COL28A1: variants seen among roughly 807,000 people sequenced by gnomAD.
COL28A1 encodes collagen type XXVIII alpha 1 chain.
Under a neutral mutation model 150.2 loss-of-function variants are expected in COL28A1, and 161 were observed. The observed-to-expected ratio is 1.07, with a 90% CI of 0.94 to 1.22. The LOEUF is 1.22. Ranked by LOEUF, COL28A1 falls within the 50% of genes most tolerant of loss-of-function variation. COL28A1 has a pLI of 0.00. For missense variants in COL28A1, 1,617 were observed against 1,388.3 expected, an observed-to-expected ratio of 1.16 and a Z score of -2.62; for synonymous variants, 552 against 469.7, an observed-to-expected ratio of 1.18 and a Z score of -2.26.
chr7:7,355,006 T>G (rs1325985844), downstream of COL28A1, among the ~76,000 whole-genome samples: 1 of 152,118 alleles, frequency 6.6e-6, no homozygotes, highest in Non-Finnish European at 1.5e-5. Flanking sequence ...ATGACTGAGA[T>G]GCTGACAGGC....
chr7:7,431,567 A>C (rs753190758), intron 25 of COL28A1: 13 of 471,038 alleles, frequency 2.8e-5, no homozygotes, highest in Non-Finnish European at 1.3e-5. Flanking sequence ...TTTTGGCTGA[A>C]TGTCGGCAGC....
In COL28A1 at chr7:7,358,106, A is replaced by T. The variant is rs534158590; in HGVS notation, c.*527T>A. 3 of 152,342 alleles carry T rather than the reference A, an allele frequency of 2.0e-5. No individual in the cohort carries two copies. The South Asian group carries it at 6.2e-4, about 32-fold the overall frequency. 9.4% of individuals were successfully genotyped at this position (152,342 alleles called of 1,614,324 possible). A position where few individuals can be genotyped will look rare whatever the true frequency, so the allele number is the denominator to read the frequency against. Reference sequence around the variant, plus strand: ...TCAGGGCAAGTGAGGCAAAAATCTAACTACCCTCACCATCCCGACTCCTAT... The same window carrying T: ...TCAGGGCAAGTGAGGCAAAAATCTATCTACCCTCACCATCCCGACTCCTAT... On this transcript the variant is annotated 3_prime_UTR_variant, in exon 35 of 35. Transcript: ENST00000399429.
chr7:7,540,238 T>C (rs150380666), upstream of COL28A1, among the ~76,000 whole-genome samples: 1 of 152,232 alleles, frequency 6.6e-6, no homozygotes. Context: ...AGCCTACAAA[T>C]AGAGAAAGAT....
Position 7,532,932 on chromosome 7 carries a change from T to C in COL28A1, c.-37-20A>G. On this transcript the variant is annotated intron_variant, in intron 1 of 34. Coordinates refer to ENST00000399429, the MANE Select transcript of COL28A1 (RefSeq NM_001037763.3). ...TAGCACCTTTAATAGAAAAGTCAGT[T>C]ACAAATACTTTAATAAAATATGGTG... 6.7e-7 allele frequency: 1 copy of C among 1,490,100 alleles called. No homozygotes were observed. Among genetic ancestry groups the C allele is most frequent in the Non-Finnish European group, 8.9e-7 (1 of 1,120,980 alleles). The allele number at this position is 1,490,100 out of a possible 1,614,324, so 92.3% of individuals were successfully genotyped here.
intron 25 of COL28A1, among the ~76,000 whole-genome samples, chr7:7,423,807 T>C (rs891521737): frequency 1.3e-5 from 2 of 152,188 alleles, no homozygotes; most frequent in African/African-American, 4.8e-5. Context: ...TCAGTGTTGC[T>C]ATTCATTCTC....
intron 34 of COL28A1, among the ~76,000 whole-genome samples, chr7:7,359,495 C>G (rs888001806): frequency 6.6e-6 from 1 of 152,112 alleles, no homozygotes; most frequent in Non-Finnish European, 1.5e-5. Context: ...AATTATGGAA[C>G]TCCTCATTTG....
intron 27 of COL28A1, among the ~76,000 whole-genome samples, chr7:7,390,531 C>T (rs1361666299): frequency 6.6e-6 from 1 of 152,154 alleles, no homozygotes; most frequent in East Asian, 1.9e-4. Context: ...AGGAGTCCCT[C>T]TTTTTCTATG....
At chr7:7,508,929 G>A (rs1160797186) in intron 9 of COL28A1, among the ~76,000 whole-genome samples, 1 of 152,116 alleles carries the variant, frequency 6.6e-6, no homozygotes, top group Non-Finnish European at 1.5e-5. Context: ...TGCCTCCCAG[G>A]TTCAAGCAAT....
intron 11 of COL28A1, among the ~76,000 whole-genome samples, 174 bp downstream of exon 11, chr7:7,505,840 C>T (rs1421158974): frequency 6.6e-6 from 1 of 152,192 alleles, no homozygotes; most frequent in African/African-American, 2.4e-5. Context: ...AGGTATGCTG[C>T]TAACTTCCTG....
intron 18 of COL28A1, among the ~76,000 whole-genome samples, chr7:7,444,840 T>C (rs1786127005): frequency 6.6e-6 from 1 of 152,196 alleles, no homozygotes; most frequent in Non-Finnish European, 1.5e-5. Context: ...AATTTGGCTC[T>C]GTGTCCCCAC....
chr7:7,383,072 A>C (rs1478225060), intron 27 of COL28A1, among the ~76,000 whole-genome samples: 1 of 152,140 alleles, frequency 6.6e-6, no homozygotes, highest in Admixed American at 6.5e-5. Flanking sequence ...ATATAGAATA[A>C]AGTAAACACC....
intron 26 of COL28A1, among the ~76,000 whole-genome samples, chr7:7,419,294 CA>C (rs1329501547): frequency 2.0e-5 from 3 of 152,112 alleles, no homozygotes; most frequent in Admixed American, 6.5e-5. Flanking sequence ...CTACTACAAC[CA>C]AAAAATGTCC....
upstream of COL28A1, among the ~76,000 whole-genome samples, chr7:7,537,391 G>A (rs2115282478): frequency 6.6e-6 from 1 of 152,332 alleles, no homozygotes; most frequent in South Asian, 2.1e-4. Context: ...CACACAGTGA[G>A]CCTGGCCCAG....
At chr7:7,392,187 T>G (rs1390000897) in intron 27 of COL28A1, among the ~76,000 whole-genome samples, 1 of 152,208 alleles carries the variant, frequency 6.6e-6, no homozygotes, top group Non-Finnish European at 1.5e-5. Flanking sequence ...TGACAAAATC[T>G]CTCAGCATTT....
intron 18 of COL28A1, among the ~76,000 whole-genome samples, chr7:7,447,993 G>C (rs1478252128): frequency 6.6e-6 from 1 of 152,148 alleles, no homozygotes; most frequent in Non-Finnish European, 1.5e-5. Flanking sequence ...CTTGAACCCA[G>C]GAGGCAAGGC....
rs545014288 is a variant in COL28A1 at position 7,515,789 on chromosome 7, A to C, written c.882+25T>G. The C allele has an allele frequency of 2.0e-5, 19 of 930,986 alleles. No homozygotes were observed. The South Asian group carries it at 2.2e-4, about 11-fold the overall frequency. 57.7% of individuals were successfully genotyped at this position (930,986 alleles called of 1,614,324 possible). A position where few individuals can be genotyped will look rare whatever the true frequency, so the allele number is the denominator to read the frequency against. Reference sequence around the variant, plus strand: ...TGTTTTTCTTTTTGAAATTCTGGTCAATCTATTTGTTGTTACCAACTTACC... The same window carrying C: ...TGTTTTTCTTTTTGAAATTCTGGTCCATCTATTTGTTGTTACCAACTTACC... On this transcript the variant is annotated intron_variant, in intron 8 of 34. Transcript: ENST00000399429.
intron 11 of COL28A1, among the ~76,000 whole-genome samples, chr7:7,493,473 T>C (rs940939105): frequency 6.6e-6 from 1 of 152,258 alleles, no homozygotes; most frequent in African/African-American, 2.4e-5. Flanking sequence ...GAGCAATATC[T>C]TAATATTGCT....
chr7:7,453,509 CT>C lies in COL28A1; in HGVS notation c.1372-2del. ...GTGGACCAATAGGACCTTGGATTCC[CT>C]TTAAAATAAAATTTTATAAAATAGT... On this transcript the variant is annotated splice_acceptor_variant, in intron 16 of 34. Coordinates refer to ENST00000399429, the MANE Select transcript of COL28A1 (RefSeq NM_001037763.3). LOFTEE classifies it high-confidence loss of function. 3 of 1,064,122 alleles carry C rather than the reference CT, an allele frequency of 2.8e-6. No individual in the cohort carries two copies. Among genetic ancestry groups the C allele is most frequent in the Non-Finnish European group, 4.4e-6 (3 of 687,984 alleles). The allele number at this position is 1,064,122 out of a possible 1,614,324, so 65.9% of individuals were successfully genotyped here.
intron 25 of COL28A1, among the ~76,000 whole-genome samples, chr7:7,424,708 AC>A (rs922642414): frequency 6.6e-6 from 1 of 151,974 alleles, no homozygotes; most frequent in African/African-American, 2.4e-5. Flanking sequence ...TAACCCCTGC[AC>A]CCACTCTCTC....
Sources: gnomAD v4.1 joint callset for allele counts (sites outside exome capture counted in the v4.1 genomes callset) on GRCh38, gnomAD v4.1.1 for gene constraint, MANE v1.5 for transcripts, NCBI Gene and HGNC (gene_info 2026-07-23, HGNC 2026-07-21) for gene names.